Variants in ZNF860 observed in about 807,000 individuals in gnomAD.
ZNF860 encodes zinc finger protein 860.
For missense variants in ZNF860, 641 were observed against 759.2 expected (o/e 0.84, Z 1.83); for synonymous variants, 206 against 248.9 (o/e 0.83, Z 1.62).
chr3:32,002,246 A>G, the ZNF860 span, among the ~76,000 whole-genome samples: 4,593 of 152,248 alleles, frequency 0.03, 247 homozygotes, highest in African/African-American at 0.11. Context: ...TGTCCACTCA[A>G]CCAACCCAAG....
intron 1 of ZNF860, among the ~76,000 whole-genome samples, chr3:31,988,010 G>A (rs1698959495): frequency 6.6e-6 from 1 of 152,142 alleles, no homozygotes; most frequent in Non-Finnish European, 1.5e-5. Flanking sequence ...GTTCAGACAG[G>A]GAAGCCAAGA....
chr3:31,982,071 A>C (rs796446648), intron 1 of ZNF860, among the ~76,000 whole-genome samples, 169 bp downstream of exon 1: 3 of 152,302 alleles, frequency 2.0e-5, no homozygotes, highest in African/African-American at 7.2e-5. Flanking sequence ...CCTGAATGGC[A>C]CGCATAAACC....
At chr3:31,988,453 C>T (rs1698973636) in intron 1 of ZNF860, among the ~76,000 whole-genome samples, 1 of 152,140 alleles carries the variant, frequency 6.6e-6, no homozygotes. Flanking sequence ...CAAAGCTATG[C>T]CTATAGATTC....
intron 1 of ZNF860, among the ~76,000 whole-genome samples, chr3:31,985,498 C>G (rs1385821068): frequency 6.6e-6 from 1 of 152,188 alleles, no homozygotes; most frequent in Non-Finnish European, 1.5e-5. Flanking sequence ...GAGCTGACTA[C>G]CCCATCTTCT....
rs931838805 is a variant in ZNF860 at position 31,989,055 on chromosome 3, C to T, written c.-25C>T. 6.2e-7 allele frequency: 1 copy of T among 1,613,128 alleles called. No homozygotes were observed. The highest frequency in any genetic ancestry group is 8.5e-7 in the Non-Finnish European group (1 of 1,179,386). ...GATCGCCTCAGTGAAGGTCACACTG[C>T]AGCACTATTGATTTCTAAAGACTCA... is the stretch of plus-strand genomic sequence containing the variant. On this transcript the variant is annotated 5_prime_UTR_variant, in exon 2 of 2. Coordinates refer to ENST00000360311, the MANE Select transcript of ZNF860 (RefSeq NM_001137674.3).
At chr3:31,993,455 G>A (rs1420158211), downstream of ZNF860, among the ~76,000 whole-genome samples, 4 of 151,898 alleles carry the variant, frequency 2.6e-5, no homozygotes, top group South Asian at 2.1e-4. Flanking sequence ...TGATCCACCC[G>A]CCTCGGCCTC....
In ZNF860 at chr3:31,989,062, A is replaced by G. The variant is rs762661353; in HGVS notation, c.-18A>G. The G allele has an allele frequency of 1.6e-5, 26 of 1,613,794 alleles. No individual in the cohort carries two copies. The South Asian group carries it at 2.3e-4, about 14-fold the overall frequency. The stretch of plus-strand genomic sequence containing the variant: ...TCAGTGAAGGTCACACTGCAGCACT[A>G]TTGATTTCTAAAGACTCATGTTACG... On this transcript the variant is annotated 5_prime_UTR_variant, in exon 2 of 2. Transcript: ENST00000360311.
intron 1 of ZNF860, among the ~76,000 whole-genome samples, chr3:31,983,976 T>A (rs1453469075): frequency 6.6e-6 from 1 of 151,502 alleles, no homozygotes. Context: ...AGCACAGGAG[T>A]GTATTATTAC....
Position 31,990,873 on chromosome 3 carries a change from T to C in ZNF860, c.1794T>C (p.Asp598=), listed in dbSNP as rs955468746. 7.0e-6 allele frequency: 11 copies of C among 1,576,850 alleles called. No individual in the cohort carries two copies. In the Admixed American group the frequency reaches 1.3e-4, roughly 19 times the overall value. ...HMGEKHHKCD[D]CGKAFTSHSH... ...GAGAGAAACATCACAAGTGTGATGA[T>C]TGTGGCAAAGCCTTTACTTCACATT... Residue 598 remains aspartate, a synonymous_variant, in exon 2 of 2, where the codon GAT becomes GAC. Coordinates refer to ENST00000360311, the MANE Select transcript of ZNF860 (RefSeq NM_001137674.3).
chr3:31,982,103 T>C (rs1698862207), intron 1 of ZNF860, among the ~76,000 whole-genome samples: 1 of 152,088 alleles, frequency 6.6e-6, no homozygotes, highest in Non-Finnish European at 1.5e-5. Flanking sequence ...AACCTATCCA[T>C]TGCTACCACA....
the ZNF860 span, among the ~76,000 whole-genome samples, chr3:32,005,310 G>A: frequency 6.6e-6 from 1 of 152,146 alleles, no homozygotes; most frequent in African/African-American, 2.4e-5. Flanking sequence ...CTGCTGGAAA[G>A]TATTCCACAG....
downstream of ZNF860, among the ~76,000 whole-genome samples, chr3:31,994,610 A>G (rs1699070126): frequency 6.6e-6 from 1 of 152,150 alleles, no homozygotes; most frequent in Admixed American, 6.6e-5. Flanking sequence ...AGGTGTGCAG[A>G]TGTCTTTTCT....
the ZNF860 span, among the ~76,000 whole-genome samples, chr3:32,002,911 G>T: frequency 2.6e-3 from 400 of 152,302 alleles, 2 homozygotes; most frequent in African/African-American, 9.0e-3. Context: ...CTCAATGGGG[G>T]TGACAGACAA....
Position 31,988,925 on chromosome 3 carries a change from C to T in ZNF860, c.-155C>T. 9.9e-7 allele frequency: 1 copy of T among 1,009,926 alleles called. No homozygotes were observed. The highest frequency in any genetic ancestry group is 1.4e-6 in the Non-Finnish European group (1 of 698,172). The allele number at this position is 1,009,926 out of a possible 1,614,324, so 62.6% of individuals were successfully genotyped here. On this transcript the variant is annotated 5_prime_UTR_variant, in exon 2 of 2. Transcript: ENST00000360311. ...CACCCAGCTGAAGTGCCTCCAAACC[C>T]CGACCCACAGCGACTGTGAGATAAT... is the stretch of plus-strand genomic sequence containing the variant.
intron 1 of ZNF860, among the ~76,000 whole-genome samples, chr3:31,987,950 A>G (rs1435582796): frequency 6.6e-6 from 1 of 152,248 alleles, no homozygotes; most frequent in Non-Finnish European, 1.5e-5. Flanking sequence ...GAGCAAACAC[A>G]TATTGCCTTT....
chr3:31,989,164 G>A lies in ZNF860; in HGVS notation c.85G>A (p.Val29Met). The A allele has an allele frequency of 3.1e-6, 5 of 1,614,216 alleles. No homozygotes were observed. Among genetic ancestry groups the A allele is most frequent in the Non-Finnish European group, 4.2e-6 (5 of 1,180,040 alleles). The stretch of plus-strand genomic sequence containing the variant: ...TCAGGGACACTTGACTTTTAGGGAT[G>A]TGGCTATAGAATTCTCTTTGGAGGA... ...LPQGHLTFRD[V>M]AIEFSLEEWK... Residue 29 changes from valine to methionine, a missense_variant, in exon 2 of 2, where the codon GTG (valine) becomes ATG (methionine). By Grantham distance (21) the Val-to-Met change is conservative. Transcript: ENST00000360311.
chr3:31,992,845 A>G (rs35851870), downstream of ZNF860, among the ~76,000 whole-genome samples: 4,201 of 152,284 alleles, frequency 0.028, 101 homozygotes, highest in African/African-American at 0.07. Context: ...AGTTTTTTAA[A>G]TAAAATATTA....
chr3:31,986,339 C>G (rs1377717668), intron 1 of ZNF860: 1 of 152,244 alleles, frequency 6.6e-6, no homozygotes. Context: ...GTTCTTGCTG[C>G]CTGAACTTCA....
the ZNF860 span, among the ~76,000 whole-genome samples, chr3:31,999,724 GC>G: frequency 2.6e-5 from 4 of 152,058 alleles, no homozygotes. Flanking sequence ...AGAAAATATG[GC>G]TGCCTCTGCT....
Sources: allele counts gnomAD v4.1 joint callset (sites outside exome capture counted in the v4.1 genomes callset), GRCh38; gene constraint gnomAD v4.1.1; transcripts MANE v1.5; gene names NCBI Gene and HGNC (gene_info 2026-07-23, HGNC 2026-07-21).